Variants in LIPI observed in about 807,000 individuals in gnomAD.
LIPI encodes lipase I, also known as lipase member I.
Under a neutral mutation model 50.6 loss-of-function variants are expected in LIPI, and 59 were observed. That is an observed-to-expected ratio of 1.16 (90% CI 0.94 to 1.45). The LOEUF is 1.45. Among genes scored for constraint, LIPI ranks in the 40% most tolerant of loss-of-function variants. LIPI has a pLI of 0.00. For missense variants in LIPI, 586 were observed against 536.3 expected (o/e 1.09, Z -0.92); for synonymous variants, 203 against 178.2 (o/e 1.14, Z -1.11).
intron 8 of LIPI, among the ~76,000 whole-genome samples, chr21:14,147,253 T>G (rs957606774): frequency 6.6e-6 from 1 of 152,182 alleles, no homozygotes; most frequent in Non-Finnish European, 1.5e-5. Flanking sequence ...AAACTTTTAG[T>G]CACCCCACTA....
intron 9 of LIPI, among the ~76,000 whole-genome samples, chr21:14,119,222 C>T (rs1484160073): frequency 6.6e-6 from 1 of 152,180 alleles, no homozygotes; most frequent in Non-Finnish European, 1.5e-5. Context: ...GACTTAAAGG[C>T]TTTCACTCCA....
chr21:14,148,541 A>T (rs530874804), intron 8 of LIPI, among the ~76,000 whole-genome samples: 1 of 152,302 alleles, frequency 6.6e-6, no homozygotes, highest in East Asian at 1.9e-4. Flanking sequence ...ATTTTTACAT[A>T]GACAAATATT....
At chr21:14,144,847 A>G (rs1335625843) in intron 8 of LIPI, 48 bp from the exon 9 acceptor site, 18 of 1,305,408 alleles carry the variant, frequency 1.4e-5, no homozygotes, top group Non-Finnish European at 2.0e-5. Flanking sequence ...TTTGAAACAT[A>G]ACTCAATTCT....
At chr21:14,123,659 G>A (rs553809582) in intron 9 of LIPI, among the ~76,000 whole-genome samples, 25 of 152,296 alleles carry the variant, frequency 1.6e-4, no homozygotes, top group African/African-American at 6.0e-4. Context: ...CCTCCTGAAA[G>A]AATTATCAAA....
intron 4 of LIPI, among the ~76,000 whole-genome samples, chr21:14,169,637 C>G (rs2018819677): frequency 6.6e-6 from 1 of 152,168 alleles, no homozygotes; most frequent in Non-Finnish European, 1.5e-5. Context: ...GAAATGAAGG[C>G]AGAAATAAAG....
chr21:14,171,131 T>C (rs1285789726), intron 4 of LIPI, among the ~76,000 whole-genome samples: 1 of 149,780 alleles, frequency 6.7e-6, no homozygotes, highest in Non-Finnish European at 1.5e-5. Context: ...TCAAAGAGAA[T>C]AAAATACCTA....
chr21:14,129,330 T>C (rs2017191883), intron 9 of LIPI, among the ~76,000 whole-genome samples: 1 of 152,118 alleles, frequency 6.6e-6, no homozygotes, highest in Non-Finnish European at 1.5e-5. Context: ...ATTTTATGAA[T>C]AAGAATTATT....
chr21:14,113,376 G>A (rs1379569842), intron 9 of LIPI, among the ~76,000 whole-genome samples: 1 of 152,208 alleles, frequency 6.6e-6, no homozygotes, highest in African/African-American at 2.4e-5. Context: ...GAGATATAAA[G>A]AGGTGAGAAC....
intron 4 of LIPI, among the ~76,000 whole-genome samples, chr21:14,176,775 T>C (rs867578668): frequency 5.6e-4 from 84 of 151,172 alleles, no homozygotes; most frequent in Middle Eastern, 6.8e-3. Flanking sequence ...CTGATTATAT[T>C]TATTTATTTA....
intron 4 of LIPI, among the ~76,000 whole-genome samples, chr21:14,171,434 T>C (rs370568164): frequency 1.1e-4 from 16 of 150,562 alleles, no homozygotes; most frequent in Admixed American, 8.0e-4. Context: ...AAGAACAAAG[T>C]TGGAGGCATC....
chr21:14,206,751 G>C (rs917751885), intron 1 of LIPI: 1 of 981,520 alleles, frequency 1.0e-6, no homozygotes, highest in East Asian at 2.6e-5. Flanking sequence ...GCCCAGTGTT[G>C]TTTTATATTT....
chr21:14,207,908 T>C (rs2020268581), intron 1 of LIPI, among the ~76,000 whole-genome samples: 1 of 152,222 alleles, frequency 6.6e-6, no homozygotes, highest in African/African-American at 2.4e-5. Flanking sequence ...GTATTACAGC[T>C]ATTAACTGCA....
rs1183440841 is a variant in LIPI at position 14,152,365 on chromosome 21, A to C, written c.1118+208T>G. ...GAACTTTTAAAGTCACTAGTTGTTTAGAGTAAGGGTGCCTCTTTAACATAT... is the reference window on the plus strand; with the variant it reads ...GAACTTTTAAAGTCACTAGTTGTTTCGAGTAAGGGTGCCTCTTTAACATAT... On this transcript the variant is annotated intron_variant, in intron 8 of 9. Transcript: ENST00000681601. Among the ~76,000 whole-genome samples the C allele has an allele frequency of 7.2e-5, 11 of 152,270 alleles. No homozygotes were observed. The East Asian group carries it at 1.9e-3, about 27-fold the overall frequency.
At chr21:14,188,587 A>AAAAG (rs2019538741) in intron 2 of LIPI, among the ~76,000 whole-genome samples, 1 of 151,204 alleles carries the variant, frequency 6.6e-6, no homozygotes, top group African/African-American at 2.4e-5. Flanking sequence ...AAAAAAAAAA[A>AAAAG]AAAGATTTTT....
chr21:14,162,984 T>C lies in LIPI; in HGVS notation c.1006+435A>G, dbSNP rs1017457494. Among the ~76,000 whole-genome samples the C allele has an allele frequency of 2.6e-5, 4 of 151,752 alleles. No homozygotes were observed. The East Asian group carries it at 5.8e-4, about 22-fold the overall frequency. On this transcript the variant is annotated intron_variant, in intron 7 of 9. Coordinates refer to ENST00000681601, the MANE Select transcript of LIPI (RefSeq NM_001302998.2). ...GAGATTCTCTCTTCTTCTACAAGTT[T>C]TCTCCTCTTACCTAACTCTAAATGT...
intron 9 of LIPI, among the ~76,000 whole-genome samples, chr21:14,115,424 G>A (rs2016590006): frequency 6.9e-6 from 1 of 145,442 alleles, no homozygotes; most frequent in Non-Finnish European, 1.6e-5. Flanking sequence ...CTTTGTCCGG[G>A]GCTCAGACTT....
chr21:14,189,965 T>A (rs2019613758), intron 1 of LIPI, among the ~76,000 whole-genome samples: 1 of 152,124 alleles, frequency 6.6e-6, no homozygotes, highest in Non-Finnish European at 1.5e-5. Flanking sequence ...TTTGCATGTG[T>A]GTGCTTACTG....
chr21:14,148,645 A>C (rs570854485), intron 8 of LIPI, among the ~76,000 whole-genome samples: 2 of 152,200 alleles, frequency 1.3e-5, no homozygotes, highest in Non-Finnish European at 2.9e-5. Flanking sequence ...CCTATGCTAC[A>C]CTCCATATAG....
intron 9 of LIPI, among the ~76,000 whole-genome samples, chr21:14,132,951 A>G (rs926673688): frequency 6.6e-6 from 1 of 152,210 alleles, no homozygotes; most frequent in Non-Finnish European, 1.5e-5. Flanking sequence ...TGAACCTAGA[A>G]GAAATAAAAC....
Sources: allele counts gnomAD v4.1 joint callset (sites outside exome capture counted in the v4.1 genomes callset), GRCh38; gene constraint gnomAD v4.1.1; transcripts MANE v1.5; gene names NCBI Gene and HGNC (gene_info 2026-07-23, HGNC 2026-07-21).